Variants in UTP15 observed in about 807,000 individuals in gnomAD.
The protein encoded by UTP15 is UTP15 small subunit processome component.
Under a neutral mutation model 59.1 loss-of-function variants are expected in UTP15, and 5 were observed. The observed-to-expected ratio is 0.08, with a 90% CI of 0.04 to 0.18. UTP15 has a LOEUF of 0.18. Ranked by LOEUF, UTP15 falls within the 10% of genes least tolerant of loss-of-function variation. The probability of loss-of-function intolerance (pLI) is 1.00; values close to 1 mark genes in which losing one functional copy is unlikely to be tolerated. For missense variants in UTP15, 494 were observed against 616.7 expected (o/e 0.80, Z 2.11); for synonymous variants, 211 against 212.2 (o/e 0.99, Z 0.05).
At position 73,579,389 on chromosome 5, in the gene UTP15, A is replaced by G. The variant is rs756186905; in HGVS notation, c.1339+14A>G. 4 of 1,585,110 alleles carry G rather than the reference A, an allele frequency of 2.5e-6. No homozygotes were observed. The South Asian group carries it at 4.6e-5, about 18-fold the overall frequency. On this transcript the variant is annotated intron_variant, in intron 12 of 12. Transcript: ENST00000296792. Reference sequence around the variant, plus strand: ...AAATAATTATTGGTAAGTCATTGTTAAAACTTGAAAATCCTAACATGCTTG... The same window carrying G: ...AAATAATTATTGGTAAGTCATTGTTGAAACTTGAAAATCCTAACATGCTTG...
Position 73,572,566 on chromosome 5 carries a change from G to T in UTP15, c.751G>T (p.Val251Leu), listed in dbSNP as rs571454689. The stretch of plus-strand genomic sequence containing the variant: ...ATCTTTGAAAAATCATCACAAAACC[G>T]TGACATGTTTATGTCTAAGCAGCTC... ...LVSLKNHHKT[V>L]TCLCLSSSGQ... The change falls in exon 7 of 13, where the codon GTG (valine) becomes TTG (leucine). Residue 251 changes from valine to leucine, a missense_variant. Transcript: ENST00000296792. 1 of 1,614,096 alleles carries T rather than the reference G, an allele frequency of 6.2e-7. No homozygotes were observed. The highest frequency in any genetic ancestry group is 2.2e-5 in the East Asian group (1 of 44,882).
chr5:73,582,056 G>A lies in UTP15; in HGVS notation c.*1962G>A, dbSNP rs764918008. On this transcript the variant is annotated 3_prime_UTR_variant, in exon 13 of 13. Coordinates refer to ENST00000296792, the MANE Select transcript of UTP15 (RefSeq NM_032175.4). ...AATTCTACCTAAAGCTGTAGTTGCCGTCAATTGTGTAACATGTGACAAAGG... is the reference window on the plus strand; with the variant it reads ...AATTCTACCTAAAGCTGTAGTTGCCATCAATTGTGTAACATGTGACAAAGG... 6.6e-6 allele frequency: 1 copy of A among 152,170 alleles called. No individual in the cohort carries two copies. The highest frequency in any genetic ancestry group is 1.5e-5 in the Non-Finnish European group (1 of 68,022). The allele number at this position is 152,170 out of a possible 1,614,324, so 9.4% of individuals were successfully genotyped here. A position where few individuals can be genotyped will look rare whatever the true frequency, so the allele number is the denominator to read the frequency against.
rs1350461589 is a variant in UTP15 at position 73,567,402 on chromosome 5, A to T, written c.58A>T (p.Thr20Ser). The T allele has an allele frequency of 6.2e-7, 1 of 1,609,926 alleles. No individual in the cohort carries two copies. Among genetic ancestry groups the T allele is most frequent in the Non-Finnish European group, 8.5e-7 (1 of 1,177,930 alleles). The change falls in exon 2 of 13, where the codon ACC (threonine) becomes TCC (serine). Residue 20 changes from threonine (T) to serine (S), a missense_variant. Coordinates refer to ENST00000296792, the MANE Select transcript of UTP15 (RefSeq NM_032175.4). ...ATATCCTATACTTGGTGAAAAAATC[A>T]CCCAAGATACACTGTACTGGAACAA... is the stretch of plus-strand genomic sequence containing the variant. ...QTYPILGEKITQDTLYWNNYK... is the reference protein window; with the variant it reads ...QTYPILGEKISQDTLYWNNYK...
At chr5:73,576,195 C>T (rs1490399761) in intron 7 of UTP15, among the ~76,000 whole-genome samples, 3 of 151,802 alleles carry the variant, frequency 2.0e-5, no homozygotes, top group Non-Finnish European at 4.4e-5. Flanking sequence ...ACCTCTGCCT[C>T]CCAGGTTGAA....
At position 73,568,336 on chromosome 5, in the gene UTP15, A is replaced by G. The variant is rs747135001; in HGVS notation, c.183+9A>G. On this transcript the variant is annotated intron_variant, in intron 3 of 12. Transcript: ENST00000296792. The stretch of plus-strand genomic sequence containing the variant: ...TCACAGCTTCCTCAAGAGTAAGTAT[A>G]ATATTAAATTTCTTTATTTTTCTTT... 3 of 1,589,700 alleles carry G rather than the reference A, an allele frequency of 1.9e-6. No individual in the cohort carries two copies. The highest frequency in any genetic ancestry group is 2.6e-6 in the Non-Finnish European group (3 of 1,170,412).
intron 12 of UTP15, 85 bp downstream of exon 12, chr5:73,579,460 C>A: frequency 9.7e-7 from 1 of 1,034,208 alleles, no homozygotes; most frequent in Non-Finnish European, 1.4e-6. Flanking sequence ...TCAAGTAGAT[C>A]AAAATATCTT....
intron 5 of UTP15, among the ~76,000 whole-genome samples, chr5:73,570,005 G>A (rs1747885035): frequency 6.6e-6 from 1 of 151,870 alleles, no homozygotes; most frequent in Non-Finnish European, 1.5e-5. Context: ...GCTACTTTGT[G>A]TATTTTTTTG....
intron 1 of UTP15, 138 bp downstream of exon 1, chr5:73,566,050 A>G: frequency 5.7e-6 from 2 of 350,462 alleles, no homozygotes; most frequent in Non-Finnish European, 1.1e-5. Context: ...AGTTCCCCTC[A>G]ATTAAGCTTC....
At chr5:73,570,226 A>G (rs1747892724) in intron 5 of UTP15, among the ~76,000 whole-genome samples, 1 of 152,334 alleles carries the variant, frequency 6.6e-6, no homozygotes, top group East Asian at 1.9e-4. Flanking sequence ...TGAAAACATA[A>G]TAGACTCTCA....
At chr5:73,572,955 G>T (rs1412918923) in intron 7 of UTP15, among the ~76,000 whole-genome samples, 6 of 152,018 alleles carry the variant, frequency 3.9e-5, no homozygotes, top group African/African-American at 1.4e-4. Flanking sequence ...GCGCCACAAT[G>T]CCCGGCTAAG....
Position 73,572,484 on chromosome 5 carries a change from T to A in UTP15, c.674-5T>A, listed in dbSNP as rs1447044745. The A allele has an allele frequency of 6.2e-7, 1 of 1,612,572 alleles. No individual in the cohort carries two copies. The highest frequency in any genetic ancestry group is 2.2e-5 in the East Asian group (1 of 44,864). On this transcript the variant is annotated splice_polypyrimidine_tract_variant and splice_region_variant and intron_variant, in intron 6 of 12. Coordinates refer to ENST00000296792, the MANE Select transcript of UTP15 (RefSeq NM_032175.4). ...TATCCAACTAACGATGATTTCTTTTTATAGGAGGTCGTTATGTTAAAGTCT... is the reference window on the plus strand; with the variant it reads ...TATCCAACTAACGATGATTTCTTTTAATAGGAGGTCGTTATGTTAAAGTCT...
chr5:73,579,813 T>G, intron 12 of UTP15, 64 bp from the exon 13 acceptor site: 1 of 1,107,092 alleles, frequency 9.0e-7, no homozygotes, highest in Non-Finnish European at 1.3e-6. Flanking sequence ...TTAAAAACTT[T>G]TGCTTTTCAC....
At chr5:73,570,524 G>A (rs934271352) in intron 5 of UTP15, 62 bp from the exon 6 acceptor site, 1 of 1,537,786 alleles carries the variant, frequency 6.5e-7, no homozygotes. Context: ...TTTATATCTG[G>A]ATACACACAG....
Position 73,568,309 on chromosome 5 carries a change from T to G in UTP15, c.165T>G (p.Ala55=). 6.2e-7 allele frequency: 1 copy of G among 1,609,306 alleles called. No homozygotes were observed. ...DFSPQPPYNY[A]VTASSRIHIY... ...CTCCTCAGCCTCCATATAATTATGC[T>G]GTCACAGCTTCCTCAAGAGTAAGTA... The change falls in exon 3 of 13, where the codon GCT becomes GCG. Residue 55 remains alanine, a synonymous_variant. Transcript: ENST00000296792.
Position 73,567,494 on chromosome 5 carries a change from A to G in UTP15, c.90+60A>G, listed in dbSNP as rs950583358. 33 of 1,250,840 alleles carry G rather than the reference A, an allele frequency of 2.6e-5. No individual in the cohort carries two copies. In the East Asian group the frequency reaches 7.2e-4, roughly 27 times the overall value. The allele number at this position is 1,250,840 out of a possible 1,614,324, so 77.5% of individuals were successfully genotyped here. ...GTGTTTATGCCAATTTCTCTAGCAT[A>G]TGTTATACTCTGGATGCTCTAACAG... is the stretch of plus-strand genomic sequence containing the variant. On this transcript the variant is annotated intron_variant, in intron 2 of 12. Transcript: ENST00000296792.
At chr5:73,568,855 T>C (rs1159824560) in intron 4 of UTP15, among the ~76,000 whole-genome samples, 2 of 145,584 alleles carry the variant, frequency 1.4e-5, no homozygotes, top group Non-Finnish European at 2.9e-5. Context: ...ACTCTGTAGC[T>C]TTTGGTTAAC....
chr5:73,575,235 A>T (rs1748055583), intron 7 of UTP15, among the ~76,000 whole-genome samples: 1 of 152,204 alleles, frequency 6.6e-6, no homozygotes, highest in Non-Finnish European at 1.5e-5. Flanking sequence ...TGTTACTGAA[A>T]TCATGTTACT....
At chr5:73,568,632 C>G (rs1383527633) in intron 4 of UTP15, 28 bp downstream of exon 4, 1 of 1,572,660 alleles carries the variant, frequency 6.4e-7, no homozygotes, top group African/African-American at 1.4e-5. Flanking sequence ...TCTGTGTGTT[C>G]TGGTTTTATT....
chr5:73,579,148 A>G lies in UTP15; in HGVS notation c.1278A>G (p.Ile426Met), dbSNP rs1748219441. 3 of 1,613,710 alleles carry G rather than the reference A, an allele frequency of 1.9e-6. No homozygotes were observed. The highest frequency in any genetic ancestry group is 2.5e-6 in the Non-Finnish European group (3 of 1,179,786). The change falls in exon 11 of 13, where the codon ATA (isoleucine) becomes ATG (methionine). Residue 426 changes from isoleucine to methionine, a missense_variant and splice_region_variant. Coordinates refer to ENST00000296792, the MANE Select transcript of UTP15 (RefSeq NM_032175.4). ...TCAGTCATGTTCTTAATTTTTTGAT[A>G]AGGTATGTTTTTTGTCTGTGAAACA... ...KEISHVLNFL[I>M]RNLSQPRFAP...
Sources: allele counts gnomAD v4.1 joint callset (sites outside exome capture counted in the v4.1 genomes callset), GRCh38; gene constraint gnomAD v4.1.1; transcripts MANE v1.5; gene names NCBI Gene and HGNC (gene_info 2026-07-23, HGNC 2026-07-21).